The following IGF1R variants were observed in gnomAD, a reference collection of about 807,000 sequenced individuals.
The protein encoded by IGF1R is insulin-like growth factor 1 receptor.
IGF1R carries 44 observed loss-of-function variants against 144.6 expected under a neutral mutation model. That is an observed-to-expected ratio of 0.30 (90% CI 0.24 to 0.39). IGF1R has a LOEUF of 0.39. Among genes scored for constraint, IGF1R ranks in the 10% least tolerant of loss-of-function variants. The probability of loss-of-function intolerance (pLI) is 1.00; values close to 1 mark genes in which losing one functional copy is unlikely to be tolerated. For synonymous variants in IGF1R, 795 were observed against 722.8 expected (o/e 1.10, Z -1.60); for missense variants, 1,355 against 1,833.7 (o/e 0.74, Z 4.77).
At chr15:98,877,156 G>A (rs1026374547) in intron 2 of IGF1R, among the ~76,000 whole-genome samples, 3 of 152,198 alleles carry the variant, frequency 2.0e-5, no homozygotes, top group Non-Finnish European at 2.9e-5. Flanking sequence ...AATTATGACA[G>A]GGAGAGGGAC....
chr15:98,649,520 C>CTTTTTTTTTTTTTTTTTTTTTTTTTT lies in IGF1R; in HGVS notation c.-58_-57insTTTTTTTTTTTTTTTTTTTTTTTTTT. On this transcript the variant is annotated 5_prime_UTR_variant, in exon 1 of 21. Transcript: ENST00000650285. Reference sequence around the variant, plus strand: ...TCCTTTCATTTCCTTTTTTTCTTTTCTTTTCTTTTTTTTTTTTTTTTTTTT... The same window carrying CTTTTTTTTTTTTTTTTTTTTTTTTTT: ...TCCTTTCATTTCCTTTTTTTCTTTTCTTTTTTTTTTTTTTTTTTTTTTTTTTTTTTCTTTTTTTTTTTTTTTTTTTT... The CTTTTTTTTTTTTTTTTTTTTTTTTTT allele has an allele frequency of 1.2e-6, 1 of 857,964 alleles. No homozygotes were observed. Among genetic ancestry groups the CTTTTTTTTTTTTTTTTTTTTTTTTTT allele is most frequent in the Non-Finnish European group, 1.7e-6 (1 of 588,894 alleles). The allele number at this position is 857,964 out of a possible 1,614,324, so 53.1% of individuals were successfully genotyped here. A position where few individuals can be genotyped will look rare whatever the true frequency, so the allele number is the denominator to read the frequency against.
At chr15:98,790,063 C>A (rs1402779069) in intron 2 of IGF1R, among the ~76,000 whole-genome samples, 1 of 152,142 alleles carries the variant, frequency 6.6e-6, no homozygotes, top group East Asian at 1.9e-4. Context: ...AAGCTCTGTT[C>A]AAGTGGCTCT....
intron 2 of IGF1R, among the ~76,000 whole-genome samples, chr15:98,881,796 G>C (rs943995767): frequency 1.3e-5 from 2 of 152,188 alleles, no homozygotes; most frequent in African/African-American, 4.8e-5. Context: ...TGAGGATAAT[G>C]ATACTGCCCC....
At chr15:98,760,610 C>T (rs1009980158) in intron 2 of IGF1R, among the ~76,000 whole-genome samples, 5 of 152,106 alleles carry the variant, frequency 3.3e-5, no homozygotes, top group Non-Finnish European at 5.9e-5. Flanking sequence ...GCATTGCAGG[C>T]GTGTGTGCAT....
chr15:98,751,256 A>G (rs1350380575), intron 2 of IGF1R, among the ~76,000 whole-genome samples: 3 of 152,176 alleles, frequency 2.0e-5, no homozygotes, highest in Non-Finnish European at 2.9e-5. Flanking sequence ...GCTGGGGTGC[A>G]GTGGTACCAT....
Position 98,868,052 on chromosome 15 carries a change from T to C in IGF1R, c.641-23273T>C, listed in dbSNP as rs914832010. 3.3e-5 allele frequency among the ~76,000 whole-genome samples: 5 copies of C among 151,912 alleles called. No homozygotes were observed. In the South Asian group the frequency reaches 1.0e-3, roughly 32 times the overall value. ...CCCGTCTCTGCTAAAAATACAAAAA[T>C]TAGATGGTTGTGGTGGTGCATGCCT... On this transcript the variant is annotated intron_variant, in intron 2 of 20. Transcript: ENST00000650285.
intron 9 of IGF1R, 80 bp downstream of exon 9, chr15:98,916,211 C>A: frequency 2.2e-6 from 3 of 1,334,500 alleles, no homozygotes; most frequent in South Asian, 1.2e-5. Flanking sequence ...CCTAATATTA[C>A]ACGTATCAGA....
chr15:98,736,016 C>T (rs78355410), intron 2 of IGF1R, among the ~76,000 whole-genome samples: 2 of 152,200 alleles, frequency 1.3e-5, no homozygotes, highest in African/African-American at 2.4e-5. Context: ...GTTTCCTGTA[C>T]AGTACTGCCC....
chr15:98,772,653 C>T (rs925589909), intron 2 of IGF1R, among the ~76,000 whole-genome samples: 5 of 151,494 alleles, frequency 3.3e-5, no homozygotes, highest in Non-Finnish European at 5.9e-5. Flanking sequence ...TACACCACCA[C>T]GCCCAGCTAA....
intron 2 of IGF1R, among the ~76,000 whole-genome samples, chr15:98,813,587 T>C (rs2056637727): frequency 6.6e-6 from 1 of 152,224 alleles, no homozygotes; most frequent in Admixed American, 6.5e-5. Flanking sequence ...CACTACCTCT[T>C]CTTGGGGACT....
intron 2 of IGF1R, among the ~76,000 whole-genome samples, chr15:98,725,245 T>C (rs754033362): frequency 2.0e-5 from 3 of 152,332 alleles, no homozygotes; most frequent in South Asian, 2.1e-4. Flanking sequence ...TAGCATCTTA[T>C]TAGGTCAGAA....
At chr15:98,710,788 T>G (rs1003381705) in intron 2 of IGF1R, among the ~76,000 whole-genome samples, 9 of 151,636 alleles carry the variant, frequency 5.9e-5, no homozygotes, top group African/African-American at 1.9e-4. Context: ...TGCCTCAGCC[T>G]CCCAAGTAGC....
At chr15:98,730,859 G>A (rs4966018) in intron 2 of IGF1R, among the ~76,000 whole-genome samples, 141,757 of 152,246 alleles carry the variant, frequency 0.93, 66,258 homozygotes, top group Non-Finnish European at 0.98. Flanking sequence ...AATGCTTACA[G>A]AAATATTAAA....
At chr15:98,840,834 C>A (rs552113845) in intron 2 of IGF1R, among the ~76,000 whole-genome samples, 2 of 152,274 alleles carry the variant, frequency 1.3e-5, no homozygotes, top group East Asian at 3.9e-4. Flanking sequence ...CTGCGTGCCA[C>A]CACGCCTGGC....
chr15:98,690,697 C>G (rs2053455717), intron 1 of IGF1R, among the ~76,000 whole-genome samples: 1 of 152,142 alleles, frequency 6.6e-6, no homozygotes, highest in African/African-American at 2.4e-5. Context: ...ATATAGCTCA[C>G]CCTCTCCTCT....
At chr15:98,738,589 T>C (rs2054666664) in intron 2 of IGF1R, among the ~76,000 whole-genome samples, 1 of 152,232 alleles carries the variant, frequency 6.6e-6, no homozygotes, top group Admixed American at 6.5e-5. Context: ...TGTATTACTA[T>C]GCAGTTGTGT....
intron 15 of IGF1R, among the ~76,000 whole-genome samples, chr15:98,931,757 G>A (rs113038266): frequency 3.7e-4 from 56 of 151,664 alleles, no homozygotes; most frequent in African/African-American, 1.3e-3. Context: ...CCAGCTACTC[G>A]GGAGACTGAG....
chr15:98,894,538 AT>A (rs1255696449), intron 3 of IGF1R, among the ~76,000 whole-genome samples: 3 of 152,234 alleles, frequency 2.0e-5, no homozygotes, highest in Non-Finnish European at 2.9e-5. Flanking sequence ...TCTCAAGGAC[AT>A]TATGCTCTGT....
At chr15:98,724,028 T>A (rs528848702) in intron 2 of IGF1R, among the ~76,000 whole-genome samples, 30 of 152,324 alleles carry the variant, frequency 2.0e-4, no homozygotes, top group Non-Finnish European at 3.2e-4. Flanking sequence ...CATTTAATTG[T>A]ATCAGCAATT....
Sources: gnomAD v4.1 joint callset for allele counts (sites outside exome capture counted in the v4.1 genomes callset) on GRCh38, gnomAD v4.1.1 for gene constraint, MANE v1.5 for transcripts, NCBI Gene and HGNC (gene_info 2026-07-23, HGNC 2026-07-21) for gene names.